Variants in CPLX3 observed in about 807,000 individuals in gnomAD.
CPLX3 encodes complexin 3.
In CPLX3, 12 loss-of-function variants were observed where a neutral mutation model predicts 17.2. The ratio of observed to expected loss-of-function variants is 0.70; its 90% CI spans 0.45 to 1.13. The LOEUF is 1.13. Ranked by LOEUF, CPLX3 falls within the 50% of genes most tolerant of loss-of-function variation. CPLX3 has a pLI of 0.00. For missense variants in CPLX3, 172 were observed against 203.2 expected (o/e 0.85, Z 0.93); for synonymous variants, 75 against 79.4 (o/e 0.94, Z 0.29).
In CPLX3 at chr15:74,830,526, G is replaced by A. The variant is rs1381979002; in HGVS notation, c.*172G>A. The A allele has an allele frequency of 4.9e-6, 3 of 612,674 alleles. No homozygotes were observed. The highest frequency in any genetic ancestry group is 8.6e-6 in the Non-Finnish European group (3 of 348,290). 38.0% of individuals were successfully genotyped at this position (612,674 alleles called of 1,614,324 possible). ...CTTCTGGTTTCTTCCTCTCCGCTGGGAGTAAAGTCCCCATCTTCACTCTAC... is the reference window on the plus strand; with the variant it reads ...CTTCTGGTTTCTTCCTCTCCGCTGGAAGTAAAGTCCCCATCTTCACTCTAC... On this transcript the variant is annotated 3_prime_UTR_variant, in exon 3 of 3. Coordinates refer to ENST00000395018, the MANE Select transcript of CPLX3 (RefSeq NM_001030005.3).
Position 74,826,775 on chromosome 15 carries a change from GGATAAGGGA to G in CPLX3, c.76_84del (p.Lys26_Asp28del). 1 of 1,609,690 alleles carries G rather than the reference GGATAAGGGA, an allele frequency of 6.2e-7. No homozygotes were observed. Among genetic ancestry groups the G allele is most frequent in the Non-Finnish European group, 8.5e-7 (1 of 1,177,858 alleles). On this transcript the variant is annotated inframe_deletion, in exon 1 of 3. Coordinates refer to ENST00000395018, the MANE Select transcript of CPLX3 (RefSeq NM_001030005.3). The surrounding 1 kb of genome is among the most constrained non-coding windows in gnomAD (Gnocchi z 5.0). Reference sequence around the variant, plus strand: ...TCACTGGGAGCCTGGGAGGCGGCGAGGATAAGGGAGATGGGGACAAGTCGGCAGCCGAAG... The same window carrying G: ...TCACTGGGAGCCTGGGAGGCGGCGAGGATGGGGACAAGTCGGCAGCCGAAG...
Position 74,831,434 on chromosome 15 carries a change from G to C in CPLX3, c.*1080G>C, listed in dbSNP as rs2063969160. The C allele has an allele frequency of 6.6e-6, 1 of 152,468 alleles. No homozygotes were observed. The highest frequency in any genetic ancestry group is 6.5e-5 in the Admixed American group (1 of 15,280). The allele number at this position is 152,468 out of a possible 1,614,324, so 9.4% of individuals were successfully genotyped here. ...GGTGGGGTCTGGGGCTTATGAAATA[G>C]GTCTGGGCTTTGAGGAGGATGGAGC... On this transcript the variant is annotated 3_prime_UTR_variant, in exon 3 of 3. Transcript: ENST00000395018.
At chr15:74,828,398 A>AC (rs2063953547) in intron 2 of CPLX3, among the ~76,000 whole-genome samples, 2 of 151,204 alleles carry the variant, frequency 1.3e-5, no homozygotes, top group African/African-American at 2.4e-5. Context: ...TCTCTCCTCC[A>AC]CCCCCCATAT....
chr15:74,827,943 A>G, intron 1 of CPLX3, 91 bp from the exon 2 acceptor site: 3 of 1,036,382 alleles, frequency 2.9e-6, no homozygotes, highest in Non-Finnish European at 4.4e-6. Context: ...AGCAGCTGCT[A>G]GGACTCAGAG....
In CPLX3 at chr15:74,830,124, C is replaced by T. The variant is rs756612706; in HGVS notation, c.253-6C>T. On this transcript the variant is annotated splice_region_variant and splice_polypyrimidine_tract_variant and intron_variant, in intron 2 of 2. Transcript: ENST00000395018. Reference sequence around the variant, plus strand: ...ACCCCACCCCCTCTTCCCCTCTTCCCTTCAGAACGAGACAGATGAGAGCCA... The same window carrying T: ...ACCCCACCCCCTCTTCCCCTCTTCCTTTCAGAACGAGACAGATGAGAGCCA... 1.2e-6 allele frequency: 2 copies of T among 1,613,198 alleles called. No homozygotes were observed. Among genetic ancestry groups the T allele is most frequent in the Non-Finnish European group, 1.7e-6 (2 of 1,179,470 alleles).
At chr15:74,830,033 G>A in intron 2 of CPLX3, 97 bp from the exon 3 acceptor site, 1 of 834,714 alleles carries the variant, frequency 1.2e-6, no homozygotes, top group Non-Finnish European at 1.9e-6. Flanking sequence ...GAATCTAGGG[G>A]CCTGGAACCC....
chr15:74,830,433 AT>A lies in CPLX3; in HGVS notation c.*82del, dbSNP rs1424468638. The stretch of plus-strand genomic sequence containing the variant: ...GTCAACTTCCAGGGACCCATACTCC[AT>A]TTGGGGCTTTGTTTCCCTTGCCCCA... On this transcript the variant is annotated 3_prime_UTR_variant, in exon 3 of 3. Coordinates refer to ENST00000395018, the MANE Select transcript of CPLX3 (RefSeq NM_001030005.3). The A allele has an allele frequency of 2.5e-6, 3 of 1,196,754 alleles. No homozygotes were observed. Among genetic ancestry groups the A allele is most frequent in the Non-Finnish European group, 3.6e-6 (3 of 837,362 alleles). 74.1% of individuals were successfully genotyped at this position (1,196,754 alleles called of 1,614,324 possible). A position where few individuals can be genotyped will look rare whatever the true frequency, so the allele number is the denominator to read the frequency against.
At chr15:74,828,238 A>AGATC (rs1471285491) in intron 2 of CPLX3, 117 bp downstream of exon 2, 9 of 761,536 alleles carry the variant, frequency 1.2e-5, no homozygotes, top group Non-Finnish European at 1.8e-5. Flanking sequence ...GTATTTGGTT[A>AGATC]GATCCTTCCT....
intron 2 of CPLX3, among the ~76,000 whole-genome samples, chr15:74,829,519 A>C (rs2141121002): frequency 6.6e-6 from 1 of 152,276 alleles, no homozygotes; most frequent in South Asian, 2.1e-4. Flanking sequence ...CAATTTCCTT[A>C]TTTGTGAAGT....
chr15:74,828,243 C>A (rs1180190312), intron 2 of CPLX3, 122 bp downstream of exon 2: 16 of 744,558 alleles, frequency 2.1e-5, no homozygotes, highest in East Asian at 1.4e-4. Flanking sequence ...TGGTTAGATC[C>A]TTCCTTCTCA....
chr15:74,827,756 G>T (rs192730583), intron 1 of CPLX3, among the ~76,000 whole-genome samples: 1 of 152,244 alleles, frequency 6.6e-6, no homozygotes, highest in Admixed American at 6.5e-5. Flanking sequence ...AGCAGACCAA[G>T]TTGGAGGCCA....
rs903131417 is a variant in CPLX3 at position 74,828,110 on chromosome 15, C to G, written c.241C>G (p.Arg81Gly). Reference protein sequence around the residue: ...TLRSHFRDKYRLPKNETDESQ... With the variant: ...TLRSHFRDKYGLPKNETDESQ... ...GCGGAGCCACTTCCGAGACAAATAC[C>G]GGCTACCCAAGGTAAGCTGGCCCCG... Residue 81 changes from arginine to glycine, a missense_variant, in exon 2 of 3, where the codon CGG (arginine) becomes GGG (glycine). Physicochemically the swap from Arg to Gly is moderately radical, Grantham distance 125. Transcript: ENST00000395018. 5.6e-6 allele frequency: 9 copies of G among 1,593,688 alleles called. No homozygotes were observed. Among genetic ancestry groups the G allele is most frequent in the Middle Eastern group, 1.7e-4 (1 of 6,060 alleles).
Position 74,831,404 on chromosome 15 carries a change from G to A in CPLX3, c.*1050G>A. On this transcript the variant is annotated 3_prime_UTR_variant, in exon 3 of 3. Transcript: ENST00000395018. ...CAGCTCTGTTCTCTTGGGGCCCTGG[G>A]TGAAGGTGGGGTCTGGGGCTTATGA... The A allele has an allele frequency of 6.6e-6, 1 of 152,514 alleles. No individual in the cohort carries two copies. Among genetic ancestry groups the A allele is most frequent in the Non-Finnish European group, 1.5e-5 (1 of 68,198 alleles). The allele number at this position is 152,514 out of a possible 1,614,324, so 9.4% of individuals were successfully genotyped here.
chr15:74,829,178 G>A (rs1268515660), intron 2 of CPLX3, among the ~76,000 whole-genome samples: 1 of 152,196 alleles, frequency 6.6e-6, no homozygotes, highest in Non-Finnish European at 1.5e-5. Context: ...CTGCCTCACT[G>A]CAAACTCTTC....
rs528536779 is a variant in CPLX3 at position 74,829,435 on chromosome 15, TTTAAGTTACTTAAGTTAC to T, written c.253-686_253-669del. ...ATCCTGCCTGTGTGATCTTGGATAA[TTTAAGTTACTTAAGTTAC>T]TTAAGTTAGTTAAGTAACTTAAATT... On this transcript the variant is annotated intron_variant, in intron 2 of 2. Transcript: ENST00000395018. 8.8e-4 allele frequency among the ~76,000 whole-genome samples: 134 copies of T among 152,330 alleles called. 1 individual carries two copies. The highest frequency in any genetic ancestry group is 3.1e-3 in the African/African-American group (129 of 41,568).
Position 74,826,754 on chromosome 15 carries a change from T to C in CPLX3, c.51T>C (p.Thr17=). Residue 17 remains threonine, a synonymous_variant, in exon 1 of 3, where the codon ACT becomes ACC. Transcript: ENST00000395018. This position sits in a 1 kb window ranked among gnomAD's most constrained non-coding sequence, Gnocchi z 5.0. ...TMVGGQLKNL[T]GSLGGGEDKG... is the part of the protein sequence containing the mutation. ...TGGGCGGCCAGCTGAAGAACCTCACTGGGAGCCTGGGAGGCGGCGAGGATA... is the reference window on the plus strand; with the variant it reads ...TGGGCGGCCAGCTGAAGAACCTCACCGGGAGCCTGGGAGGCGGCGAGGATA... 3.1e-6 allele frequency: 5 copies of C among 1,611,032 alleles called. No homozygotes were observed. Among genetic ancestry groups the C allele is most frequent in the Non-Finnish European group, 4.2e-6 (5 of 1,178,612 alleles).
chr15:74,828,127 C>G lies in CPLX3; in HGVS notation c.252+6C>G. 2.5e-6 allele frequency: 4 copies of G among 1,571,920 alleles called. No homozygotes were observed. The highest frequency in any genetic ancestry group is 3.5e-6 in the Non-Finnish European group (4 of 1,157,636). Reference sequence around the variant, plus strand: ...ACAAATACCGGCTACCCAAGGTAAGCTGGCCCCGGCTGTGAGGCACATCTG... The same window carrying G: ...ACAAATACCGGCTACCCAAGGTAAGGTGGCCCCGGCTGTGAGGCACATCTG... On this transcript the variant is annotated splice_donor_region_variant and intron_variant, in intron 2 of 2. Coordinates refer to ENST00000395018, the MANE Select transcript of CPLX3 (RefSeq NM_001030005.3).
At chr15:74,828,177 C>T in intron 2 of CPLX3, 56 bp downstream of exon 2, 1 of 1,400,768 alleles carries the variant, frequency 7.1e-7, no homozygotes, top group South Asian at 1.2e-5. Context: ...GGGTTCTGGA[C>T]TCCTTCGCCC....
chr15:74,830,329 CAGCTG>C lies in CPLX3; in HGVS notation c.455_459del (p.Ala152GlufsTer22), dbSNP rs1445472824. On this transcript the variant is annotated frameshift_variant, in exon 3 of 3. Transcript: ENST00000395018. LOFTEE classifies it high-confidence loss of function. ...GCCACACTGGGGGATCTCAAGCAAT[CAGCTG>C]AGAAGTGTCACGTCATGTGACCACT... The C allele has an allele frequency of 1.2e-6, 2 of 1,613,486 alleles. No homozygotes were observed. Among genetic ancestry groups the C allele is most frequent in the African/African-American group, 2.7e-5 (2 of 74,918 alleles).
Sources: gnomAD v4.1 joint callset for allele counts (sites outside exome capture counted in the v4.1 genomes callset) on GRCh38, gnomAD v4.1.1 for gene constraint, Gnocchi (gnomAD v3.1) non-coding constraint, MANE v1.5 for transcripts, NCBI Gene and HGNC (gene_info 2026-07-23, HGNC 2026-07-21) for gene names.